The following TAF3 variants were observed in gnomAD, a reference collection of about 807,000 sequenced individuals.
TAF3 encodes transcription initiation factor TFIID subunit 3.
TAF3 carries 7 observed loss-of-function variants against 80.6 expected under a neutral mutation model. That is an observed-to-expected ratio of 0.09 (90% confidence interval 0.05 to 0.16). The LOEUF (loss-of-function observed/expected upper bound fraction) is 0.16, where lower values mean the gene tolerates loss of function less well. TAF3 is among the 10% of genes least tolerant of loss of function. The pLI, the probability that TAF3 is intolerant of heterozygous loss-of-function variation, is 1.00. For missense variants in TAF3, 921 were observed against 1,140.2 expected (o/e 0.81, Z 2.77); for synonymous variants, 444 against 446.1 (o/e 1.00, Z 0.06).
At chr10:7,895,575 G>A (rs1408294174) in intron 2 of TAF3, among the ~76,000 whole-genome samples, 1 of 152,170 alleles carries the variant, frequency 6.6e-6, no homozygotes, top group Non-Finnish European at 1.5e-5. Flanking sequence ...ATAAGTATAA[G>A]AGTCTTATTT....
intron 4 of TAF3, among the ~76,000 whole-genome samples, chr10:8,007,783 A>T (rs910056021): frequency 6.6e-6 from 1 of 151,610 alleles, no homozygotes; most frequent in African/African-American, 2.4e-5. Flanking sequence ...ACTGGATGAG[A>T]TGATGTTTGT....
intron 4 of TAF3, among the ~76,000 whole-genome samples, chr10:8,000,422 C>G (rs1435334852): frequency 6.6e-6 from 1 of 151,580 alleles, no homozygotes; most frequent in Non-Finnish European, 1.5e-5. Context: ...CGGCCTTTTT[C>G]TTTTTTTTAT....
intron 2 of TAF3, among the ~76,000 whole-genome samples, chr10:7,847,100 G>A (rs1836979710): frequency 6.6e-6 from 1 of 152,086 alleles, no homozygotes; most frequent in South Asian, 2.1e-4. Context: ...CAAAATAAAT[G>A]CAAAGAGATA....
intron 3 of TAF3, among the ~76,000 whole-genome samples, chr10:7,976,110 A>G (rs1044243509): frequency 6.6e-6 from 1 of 152,206 alleles, no homozygotes; most frequent in East Asian, 1.9e-4. Context: ...GAGACCCTTT[A>G]ACATCAGACT....
chr10:7,881,107 A>G (rs1010253489), intron 2 of TAF3, among the ~76,000 whole-genome samples: 4 of 151,986 alleles, frequency 2.6e-5, no homozygotes, highest in Non-Finnish European at 1.5e-5. Context: ...GTGGTGGTGC[A>G]TATCTGTAGT....
intron 2 of TAF3, among the ~76,000 whole-genome samples, chr10:7,936,003 C>T (rs1837916109): frequency 6.6e-6 from 1 of 152,148 alleles, no homozygotes. Flanking sequence ...CGGAGGGAAG[C>T]AGCAAGTCCT....
At position 7,964,903 on chromosome 10, in the gene TAF3, A is replaced by G. The variant is rs1831553584; in HGVS notation, c.1393A>G (p.Thr465Ala). The G allele has an allele frequency of 1.2e-6, 2 of 1,614,088 alleles. No homozygotes were observed. Among genetic ancestry groups the G allele is most frequent in the Non-Finnish European group, 1.7e-6 (2 of 1,180,016 alleles). ...AACCTCAAGTTCCGATAACTCATGG[A>G]CAATGGATGCCTCCATTGATGAGGT... ...GGTSSSDNSW[T>A]MDASIDEVVR... The change falls in exon 3 of 7, where the codon ACA becomes GCA. Residue 465 changes from threonine to alanine, a missense_variant. Coordinates refer to ENST00000344293, the MANE Select transcript of TAF3 (RefSeq NM_031923.4). This position sits in a 1 kb window ranked among gnomAD's most constrained non-coding sequence, Gnocchi z 4.1.
intron 2 of TAF3, among the ~76,000 whole-genome samples, chr10:7,918,158 T>C (rs537589788): frequency 6.6e-5 from 10 of 152,178 alleles, no homozygotes; most frequent in Non-Finnish European, 1.2e-4. Context: ...TCTGGTTGTT[T>C]TTACTAATGA....
chr10:7,820,956 A>G (rs1395860668), intron 1 of TAF3, among the ~76,000 whole-genome samples: 1 of 152,212 alleles, frequency 6.6e-6, no homozygotes, highest in African/African-American at 2.4e-5. Context: ...AGGCTAGGCT[A>G]GGCTAGGCAT....
intron 2 of TAF3, among the ~76,000 whole-genome samples, chr10:7,854,072 A>G (rs1837054453): frequency 6.6e-6 from 1 of 152,226 alleles, no homozygotes; most frequent in Non-Finnish European, 1.5e-5. Flanking sequence ...TTAAACATTT[A>G]CCAGCATATC....
intron 2 of TAF3, among the ~76,000 whole-genome samples, chr10:7,864,626 T>C (rs1837191350): frequency 1.3e-5 from 2 of 151,944 alleles, no homozygotes; most frequent in South Asian, 4.2e-4. Context: ...TGTCCAGGAG[T>C]AGAATGGTGG....
At chr10:7,974,133 TACAC>T (rs56363651) in intron 3 of TAF3, among the ~76,000 whole-genome samples, 15,711 of 145,122 alleles carry the variant, frequency 0.11, 869 homozygotes, top group African/African-American at 0.16. Context: ...TTCTGAAACA[TACAC>T]ACACACACAC....
intron 3 of TAF3, among the ~76,000 whole-genome samples, chr10:7,966,498 T>C (rs1445235554): frequency 6.6e-6 from 1 of 152,218 alleles, no homozygotes; most frequent in African/African-American, 2.4e-5. Flanking sequence ...GACCTCTGCT[T>C]ACCCAGCTTT....
chr10:7,968,592 G>T (rs888798099), intron 3 of TAF3, among the ~76,000 whole-genome samples: 2 of 152,154 alleles, frequency 1.3e-5, no homozygotes, highest in Admixed American at 6.5e-5. Flanking sequence ...TAATTACTAT[G>T]TGCCAAACAC....
At chr10:7,875,921 A>G (rs1837308195) in intron 2 of TAF3, among the ~76,000 whole-genome samples, 1 of 152,102 alleles carries the variant, frequency 6.6e-6, no homozygotes, top group Non-Finnish European at 1.5e-5. Flanking sequence ...TTACCGACAG[A>G]AAATAATTGA....
chr10:7,818,887 G>A lies in TAF3; in HGVS notation c.166+12G>A, dbSNP rs749978770. On this transcript the variant is annotated intron_variant, in intron 1 of 6. Coordinates refer to ENST00000344293, the MANE Select transcript of TAF3 (RefSeq NM_031923.4). ...GTACTCTGAGCTCTGTGAGTACCGG[G>A]CTGGGTGCGGGAGGGCTGCCCCGGC... 37 of 1,421,264 alleles carry A rather than the reference G, an allele frequency of 2.6e-5. No individual in the cohort carries two copies. The East Asian group carries it at 1.0e-3, about 40-fold the overall frequency. 88.0% of individuals were successfully genotyped at this position (1,421,264 alleles called of 1,614,324 possible). A position where few individuals can be genotyped will look rare whatever the true frequency, so the allele number is the denominator to read the frequency against.
intron 2 of TAF3, among the ~76,000 whole-genome samples, chr10:7,930,739 G>C (rs1837860693): frequency 6.6e-6 from 1 of 152,020 alleles, no homozygotes; most frequent in African/African-American, 2.4e-5. Context: ...TTAATTTATA[G>C]TCAGCAGTTC....
chr10:7,821,156 T>C (rs1373026226), intron 1 of TAF3, among the ~76,000 whole-genome samples: 1 of 152,214 alleles, frequency 6.6e-6, no homozygotes, highest in East Asian at 1.9e-4. Flanking sequence ...CAAGTTTCCG[T>C]AGCCAGTTTC....
In TAF3 at chr10:7,824,299, G is replaced by T; in HGVS notation, c.167-19G>T. The T allele has an allele frequency of 6.6e-7, 1 of 1,517,212 alleles. No homozygotes were observed. The allele number at this position is 1,517,212 out of a possible 1,614,324, so 94.0% of individuals were successfully genotyped here. ...GGGATTTCTTCAAATAATTTGATTT[G>T]CTTTTCACTTTGTTTCAGATGGCCG... On this transcript the variant is annotated intron_variant, in intron 1 of 6. Transcript: ENST00000344293.
Sources: gnomAD v4.1 joint callset for allele counts (sites outside exome capture counted in the v4.1 genomes callset) on GRCh38, gnomAD v4.1.1 for gene constraint, Gnocchi (gnomAD v3.1) non-coding constraint, MANE v1.5 for transcripts, NCBI Gene and HGNC (gene_info 2026-07-23, HGNC 2026-07-21) for gene names.